TBX1: variants seen among roughly 807,000 people sequenced by gnomAD.
TBX1 encodes the protein T-box transcription factor TBX1.
TBX1 carries 16 observed loss-of-function variants against 40.8 expected under a neutral mutation model. The observed-to-expected ratio is 0.39, with a 90% CI of 0.27 to 0.60. The LOEUF is 0.60. Among genes scored for constraint, TBX1 ranks in the 20% least tolerant of loss-of-function variants. The pLI is 0.51. For missense variants in TBX1, 755 were observed against 728.5 expected (o/e 1.04, Z -0.42); for synonymous variants, 403 against 336.8 (o/e 1.20, Z -2.15).
At chr22:19,779,679 C>A, downstream of TBX1, 1 of 734,666 alleles carries the variant, frequency 1.4e-6, no homozygotes, top group East Asian at 4.0e-5. Context: ...ATGGAAACTA[C>A]AAGCTTAACA....
chr22:19,759,048 G>C (rs915403676), upstream of TBX1, among the ~76,000 whole-genome samples: 10 of 152,218 alleles, frequency 6.6e-5, no homozygotes, highest in African/African-American at 2.4e-4. Flanking sequence ...GGGCAGGGCT[G>C]GGCTCCGGCA....
intron 6 of TBX1, 81 bp downstream of exon 6, chr22:19,766,083 G>T: frequency 8.1e-7 from 1 of 1,234,098 alleles, no homozygotes; most frequent in Non-Finnish European, 1.0e-6. Flanking sequence ...GACCTCGCCT[G>T]CGCCCCCGGG....
In TBX1 at chr22:19,773,043, G is replaced by A. The variant is rs1364248874; in HGVS notation, c.1010-6177G>A. ...GGGCTACACAGGAAGCCCGGGCACC[G>A]CAGAGTGGCCGCTAGCTGGTGGCAT... On this transcript the variant is annotated intron_variant, in intron 8 of 8. Transcript: ENST00000329705. Among the ~76,000 whole-genome samples the A allele has an allele frequency of 5.3e-5, 8 of 152,350 alleles. No homozygotes were observed. The South Asian group carries it at 1.0e-3, about 20-fold the overall frequency.
At chr22:19,782,020 T>A (rs1937147622), downstream of TBX1, among the ~76,000 whole-genome samples, 1 of 152,250 alleles carries the variant, frequency 6.6e-6, no homozygotes, top group South Asian at 2.1e-4. Context: ...GGTCTTTACA[T>A]CTGCCTTTAT....
At chr22:19,783,499 A>G (rs1412443883), downstream of TBX1, 2 of 251,112 alleles carry the variant, frequency 8.0e-6, no homozygotes, top group African/African-American at 4.5e-5. Flanking sequence ...GCAGTAAGCT[A>G]TGATCATGCC....
chr22:19,775,001 G>A (rs1186658812), intron 8 of TBX1, among the ~76,000 whole-genome samples: 1 of 152,114 alleles, frequency 6.6e-6, no homozygotes, highest in Non-Finnish European at 1.5e-5. Flanking sequence ...GGCTAGCCTC[G>A]AACTCGGGTT....
In TBX1 at chr22:19,764,278, C is replaced by T. The variant is rs1438172581; in HGVS notation, c.663C>T (p.Ser221=). The T allele has an allele frequency of 8.7e-6, 14 of 1,613,302 alleles. No individual in the cohort carries two copies. Among genetic ancestry groups the T allele is most frequent in the Non-Finnish European group, 9.3e-6 (11 of 1,179,960 alleles). The change falls in exon 3 of 7, where the codon TCC becomes TCT. Residue 221 remains serine (S), a synonymous_variant. Transcript: ENST00000649276. ...CGCAGTGGATGAAGCAAATCGTGTC[C>T]TTCGACAAGCTCAAGCTGACCAACA... ...KGAQWMKQIV[S]FDKLKLTNNL...
At position 19,766,744 on chromosome 22, in the gene TBX1, C is replaced by T. The variant is rs777103863; in HGVS notation, c.1392C>T (p.His464=). The T allele has an allele frequency of 2.1e-5, 33 of 1,542,902 alleles. No homozygotes were observed. Among genetic ancestry groups the T allele is most frequent in the Non-Finnish European group, 2.6e-5 (30 of 1,155,568 alleles). Residue 464 remains histidine (H), a synonymous_variant, in exon 7 of 7, where the codon CAC becomes CAT. Coordinates refer to ENST00000649276, the MANE Select transcript of TBX1 (RefSeq NM_001379200.1). ...GYHPHAHPHH[H]HHPVSPAAAA... Reference sequence around the variant, plus strand: ...ACCCGCACGCGCATCCGCACCACCACCACCACCCCGTGAGTCCAGCCGCCG... The same window carrying T: ...ACCCGCACGCGCATCCGCACCACCATCACCACCCCGTGAGTCCAGCCGCCG...
At chr22:19,764,826 G>T in intron 3 of TBX1, 132 bp from the exon 4 acceptor site, 1 of 1,120,282 alleles carries the variant, frequency 8.9e-7, no homozygotes, top group Non-Finnish European at 1.3e-6. Context: ...GCCTCATCTT[G>T]GAATTAAGGG....
chr22:19,762,282 C>T (rs1936694269), intron 1 of TBX1, among the ~76,000 whole-genome samples: 1 of 152,250 alleles, frequency 6.6e-6, no homozygotes, highest in Non-Finnish European at 1.5e-5. Context: ...ACCCTCCAGC[C>T]TGCAGAGGCT....
At position 19,764,209 on chromosome 22, in the gene TBX1, G is replaced by T. The variant is rs138724943; in HGVS notation, c.594G>T (p.Thr198=). 1.2e-6 allele frequency: 2 copies of T among 1,612,762 alleles called. No individual in the cohort carries two copies. The highest frequency in any genetic ancestry group is 1.3e-5 in the African/African-American group (1 of 74,922). ...WLVAGKADPA[T]PGRVHYHPDS... is the part of the protein sequence containing the mutation. ...TGGCGGGGAAGGCCGACCCTGCCAC[G>T]CCAGGCCGCGTGCACTACCACCCGG... The change falls in exon 3 of 7, where the codon ACG becomes ACT. Residue 198 remains threonine (T), a synonymous_variant. Transcript: ENST00000649276.
rs1286157791 is a variant in TBX1, at chr22:19,766,748, C to T, written c.1396C>T (p.His466Tyr). 1 of 1,540,198 alleles carries T rather than the reference C, an allele frequency of 6.5e-7. No homozygotes were observed. The highest frequency in any genetic ancestry group is 1.9e-5 in the Admixed American group (1 of 52,960). Residue 466 changes from histidine (H) to tyrosine (Y), a missense_variant, in exon 7 of 7, where the codon CAC becomes TAC. By Grantham distance (83) the His-to-Tyr change is moderately conservative. Around this residue, in one of 3 missense-constraint regions of TBX1, gnomAD observed 412 missense variants for 317.6 expected, o/e 1.30. Coordinates refer to ENST00000649276, the MANE Select transcript of TBX1 (RefSeq NM_001379200.1). ...HPHAHPHHHHHPVSPAAAAAA... is the reference protein window; with the variant it reads ...HPHAHPHHHHYPVSPAAAAAA... ...GCACGCGCATCCGCACCACCACCACCACCCCGTGAGTCCAGCCGCCGCGGC... is the reference window on the plus strand; with the variant it reads ...GCACGCGCATCCGCACCACCACCACTACCCCGTGAGTCCAGCCGCCGCGGC...
Position 19,762,126 on chromosome 22 carries a change from C to T in TBX1, c.437+846C>T, listed in dbSNP as rs41298800. Among the ~76,000 whole-genome samples, 278 of 152,370 alleles carry T rather than the reference C, an allele frequency of 1.8e-3. 1 individual carries two copies. The highest frequency in any genetic ancestry group is 6.4e-3 in the African/African-American group (266 of 41,584). ...AACCTGGGCCTGTGCTCTGCTCCAGCTCTGTGGTTTTTTTCCAGGCCCTCC... is the reference window on the plus strand; with the variant it reads ...AACCTGGGCCTGTGCTCTGCTCCAGTTCTGTGGTTTTTTTCCAGGCCCTCC... On this transcript the variant is annotated intron_variant, in intron 1 of 6. Coordinates refer to ENST00000649276, the MANE Select transcript of TBX1 (RefSeq NM_001379200.1).
rs774578030 is a variant in TBX1, at chr22:19,766,717, C to CCACCCGCACGCG, written c.1368_1379dup (p.Ala459_His462dup). On this transcript the variant is annotated inframe_insertion, in exon 7 of 7. Coordinates refer to ENST00000649276, the MANE Select transcript of TBX1 (RefSeq NM_001379200.1). ...TGCCCGGCCTGCGTGGCCACGGCTA[C>CCACCCGCACGCG]CACCCGCACGCGCATCCGCACCACC... 1.5e-4 allele frequency: 236 copies of CCACCCGCACGCG among 1,543,228 alleles called. No homozygotes were observed. In the African/African-American group the frequency reaches 2.7e-3, roughly 18 times the overall value.
At chr22:19,782,622 G>C (rs1322084553), downstream of TBX1, among the ~76,000 whole-genome samples, 1 of 152,186 alleles carries the variant, frequency 6.6e-6, no homozygotes, top group African/African-American at 2.4e-5. Context: ...TTCCTTGTCA[G>C]TGTCTTATCA....
chr22:19,774,779 A>G (rs1355818839), intron 8 of TBX1, among the ~76,000 whole-genome samples: 1 of 152,204 alleles, frequency 6.6e-6, no homozygotes, highest in Non-Finnish European at 1.5e-5. Flanking sequence ...AGTCAGATTC[A>G]AGAAACAGAC....
downstream of TBX1, among the ~76,000 whole-genome samples, chr22:19,780,882 A>G (rs191141126): frequency 0.025 from 3,556 of 144,864 alleles, 108 homozygotes; most frequent in African/African-American, 0.078. Flanking sequence ...TCCTGGGTTC[A>G]TGCCATTCTC....
chr22:19,780,808 A>C (rs970560625), downstream of TBX1, among the ~76,000 whole-genome samples: 2 of 109,228 alleles, frequency 1.8e-5, no homozygotes, highest in Non-Finnish European at 3.4e-5. Flanking sequence ...TTTGAGATGG[A>C]GTCTCGCTCC....
chr22:19,759,172 G>A (rs78968387), upstream of TBX1, among the ~76,000 whole-genome samples: 1 of 152,220 alleles, frequency 6.6e-6, no homozygotes. Context: ...GCTGCACAGA[G>A]AAAGGCCGTG....
Sources: allele counts gnomAD v4.1 joint callset (sites outside exome capture counted in the v4.1 genomes callset), GRCh38; gene constraint gnomAD v4.1.1; regional missense constraint gnomAD v4.1.1; transcripts MANE v1.5; gene names NCBI Gene and HGNC (gene_info 2026-07-23, HGNC 2026-07-21).